The following PCDHGB1 variants were observed in gnomAD, a reference collection of about 807,000 sequenced individuals.
PCDHGB1 encodes the protein protocadherin gamma-B1.
A neutral mutation model predicts 56.6 loss-of-function variants in PCDHGB1; 34 were observed. The observed-to-expected ratio is 0.60, with a 90% CI of 0.46 to 0.80. PCDHGB1 has a LOEUF of 0.80. Ranked by LOEUF, PCDHGB1 falls within the 30% of genes least tolerant of loss-of-function variation. The probability of loss-of-function intolerance (pLI) is 0.00; values close to 1 mark genes in which losing one functional copy is unlikely to be tolerated. For synonymous variants in PCDHGB1, 561 were observed against 505.9 expected (o/e 1.11, Z -1.46); for missense variants, 1,278 against 1,204.6 (o/e 1.06, Z -0.90).
At chr5:141,419,204 GC>G (rs2096344015) in intron 1 of PCDHGB1, 9 of 1,613,916 alleles carry the variant, frequency 5.6e-6, no homozygotes, top group Non-Finnish European at 7.6e-6. Context: ...CAATGACAAC[GC>G]GCCGGTTTTC....
intron 1 of PCDHGB1, chr5:141,409,191 A>G: frequency 1.2e-6 from 2 of 1,613,970 alleles, no homozygotes; most frequent in African/African-American, 2.7e-5. Flanking sequence ...CTCTCTACCC[A>G]GTGTAAAGTA....
At chr5:141,480,167 G>C (rs752444894) in intron 1 of PCDHGB1, among the ~76,000 whole-genome samples, 3 of 151,964 alleles carry the variant, frequency 2.0e-5, no homozygotes, top group Non-Finnish European at 2.9e-5. Flanking sequence ...ATTTTGGGAG[G>C]CTGAGGCAGG....
intron 1 of PCDHGB1, among the ~76,000 whole-genome samples, chr5:141,452,276 C>A (rs1160292593): frequency 2.6e-5 from 4 of 152,172 alleles, no homozygotes; most frequent in Admixed American, 6.5e-5. Flanking sequence ...TGAACCCTTT[C>A]TTACTTTCTG....
chr5:141,465,865 G>A (rs374058078), intron 1 of PCDHGB1, among the ~76,000 whole-genome samples: 7 of 151,900 alleles, frequency 4.6e-5, no homozygotes, highest in African/African-American at 1.7e-4. Flanking sequence ...GCTCATGCCT[G>A]TAATCCCAGC....
rs1762616469 is a variant in PCDHGB1 at position 141,362,659 on chromosome 5, C to T, written c.2409+9990C>T. ...TCTTTGTCTGTGAGTTAGATTTGGC[C>T]AATGTTGTGCCTTAATTGTCTTAAT... On this transcript the variant is annotated intron_variant, in intron 1 of 3. Transcript: ENST00000523390. 3.0e-6 allele frequency: 4 copies of T among 1,352,230 alleles called. No individual in the cohort carries two copies. In the African/African-American group the frequency reaches 4.4e-5, roughly 15 times the overall value. The allele number at this position is 1,352,230 out of a possible 1,614,324, so 83.8% of individuals were successfully genotyped here. A position where few individuals can be genotyped will look rare whatever the true frequency, so the allele number is the denominator to read the frequency against.
intron 1 of PCDHGB1, chr5:141,371,065 G>GT (rs1255340966): frequency 2.5e-6 from 4 of 1,613,804 alleles, no homozygotes; most frequent in Non-Finnish European, 2.5e-6. Flanking sequence ...TCCAGAAGCT[G>GT]TACCACCCAG....
In PCDHGB1 at chr5:141,402,956, G is replaced by A. The variant is rs1276206622; in HGVS notation, c.2409+50287G>A. Reference sequence around the variant, plus strand: ...AAAATTCCAAAGCGAGGCAGCAATGGCAGCTCCAACCAAATGCCAGCTCCG... The same window carrying A: ...AAAATTCCAAAGCGAGGCAGCAATGACAGCTCCAACCAAATGCCAGCTCCG... On this transcript the variant is annotated intron_variant, in intron 1 of 3. Coordinates refer to ENST00000523390, the MANE Select transcript of PCDHGB1 (RefSeq NM_018922.3). 1.2e-6 allele frequency: 2 copies of A among 1,601,842 alleles called. No individual in the cohort carries two copies. The highest frequency in any genetic ancestry group is 2.7e-5 in the African/African-American group (2 of 74,454).
intron 1 of PCDHGB1, chr5:141,423,653 G>A: frequency 6.3e-7 from 1 of 1,578,174 alleles, no homozygotes. Context: ...GACCCGACAA[G>A]TAATCAGGTG....
At chr5:141,393,735 G>C (rs1478004701) in intron 1 of PCDHGB1, 3 of 1,613,740 alleles carry the variant, frequency 1.9e-6, no homozygotes, top group Non-Finnish European at 1.7e-6. Context: ...AAAAAGTCTA[G>C]ATTATGAAGA....
At chr5:141,394,097 A>C in intron 1 of PCDHGB1, 1 of 1,613,932 alleles carries the variant, frequency 6.2e-7, no homozygotes, top group South Asian at 1.1e-5. Context: ...CAGATCTAGG[A>C]ACACCACCTC....
At chr5:141,454,620 G>T (rs1028840158) in intron 1 of PCDHGB1, among the ~76,000 whole-genome samples, 1 of 151,520 alleles carries the variant, frequency 6.6e-6, no homozygotes, top group East Asian at 1.9e-4. Flanking sequence ...TGGTCAGGCT[G>T]GTCTCGAACC....
chr5:141,388,992 C>T (rs1310959225), intron 1 of PCDHGB1: 3 of 1,613,834 alleles, frequency 1.9e-6, no homozygotes, highest in African/African-American at 1.3e-5. Flanking sequence ...GCTCAAAGTC[C>T]GTGACAAGGA....
rs6883529 is a variant in PCDHGB1, at chr5:141,427,618, A to G, written c.2410-67189A>G. On this transcript the variant is annotated intron_variant, in intron 1 of 3. Coordinates refer to ENST00000523390, the MANE Select transcript of PCDHGB1 (RefSeq NM_018922.3). ...ACCCTACGCATTGGTGAAGTCAACG[A>G]CAATGCTCCGGTTTTCCACCAAGTC... The G allele has an allele frequency of 3.3e-3, 2,299 of 695,914 alleles. 37 individuals are homozygous for G. In the African/African-American group the frequency reaches 0.033, roughly 10 times the overall value. 43.1% of individuals were successfully genotyped at this position (695,914 alleles called of 1,614,324 possible).
At chr5:141,395,140 C>T in intron 1 of PCDHGB1, 1 of 1,614,212 alleles carries the variant, frequency 6.2e-7, no homozygotes, top group Non-Finnish European at 8.5e-7. Flanking sequence ...CCCAACTACG[C>T]AGACATGCTC....
At chr5:141,443,137 A>G (rs1202995621) in intron 1 of PCDHGB1, among the ~76,000 whole-genome samples, 1 of 152,174 alleles carries the variant, frequency 6.6e-6, no homozygotes, top group Non-Finnish European at 1.5e-5. Flanking sequence ...GAACACTATC[A>G]TAAGTTATAC....
intron 1 of PCDHGB1, chr5:141,375,613 C>T (rs770657408): frequency 1.2e-6 from 2 of 1,614,226 alleles, no homozygotes; most frequent in Non-Finnish European, 1.7e-6. Context: ...TCAACTCCGA[C>T]ACTGGGATTC....
At chr5:141,355,940 A>T in intron 1 of PCDHGB1, 1 of 1,613,912 alleles carries the variant, frequency 6.2e-7, no homozygotes, top group East Asian at 2.2e-5. Context: ...CAGCCCGAGT[A>T]CCACGTAAGT....
rs866752085 is a variant in PCDHGB1, at chr5:141,424,634, A to G, written c.2410-70173A>G. ...AATAGAGTAGTTTGTGAATATATAA[A>G]TAGATTGAAGGTATTTGGACTTTAA... On this transcript the variant is annotated intron_variant, in intron 1 of 3. Coordinates refer to ENST00000523390, the MANE Select transcript of PCDHGB1 (RefSeq NM_018922.3). 6 of 152,338 alleles carry G rather than the reference A, an allele frequency of 3.9e-5. No individual in the cohort carries two copies. The South Asian group carries it at 1.2e-3, about 32-fold the overall frequency. 9.4% of individuals were successfully genotyped at this position (152,338 alleles called of 1,614,324 possible).
chr5:141,361,583 C>G (rs1762083225), intron 1 of PCDHGB1: 1 of 1,613,914 alleles, frequency 6.2e-7, no homozygotes, highest in Admixed American at 1.7e-5. Flanking sequence ...GACTTGGGCC[C>G]CAGTGGCCAA....
Sources: allele counts gnomAD v4.1 joint callset (sites outside exome capture counted in the v4.1 genomes callset), GRCh38; gene constraint gnomAD v4.1.1; transcripts MANE v1.5; gene names NCBI Gene and HGNC (gene_info 2026-07-23, HGNC 2026-07-21).